CYB5R3: variants seen among roughly 807,000 people sequenced by gnomAD.
The protein encoded by CYB5R3 is cytochrome b5 reductase 3.
Under a neutral mutation model 36.5 loss-of-function variants are expected in CYB5R3, and 28 were observed. The observed-to-expected ratio is 0.77, with a 90% CI of 0.57 to 1.05. CYB5R3 has a LOEUF of 1.05. Among genes scored for constraint, CYB5R3 ranks in the 50% least tolerant of loss-of-function variants. The probability of loss-of-function intolerance (pLI) is 0.00; values close to 1 mark genes in which losing one functional copy is unlikely to be tolerated. For synonymous variants in CYB5R3, 181 were observed against 159.8 expected (o/e 1.13, Z -1.00); for missense variants, 474 against 408.9 (o/e 1.16, Z -1.37).
chr22:42,646,861 A>G, intron 1 of CYB5R3: 1 of 985,570 alleles, frequency 1.0e-6, no homozygotes, highest in Non-Finnish European at 1.2e-6. Context: ...TGCCAGGGAC[A>G]GTAGGAAAGC....
intron 7 of CYB5R3, among the ~76,000 whole-genome samples, chr22:42,625,854 C>G (rs1928240230): frequency 6.6e-6 from 1 of 152,174 alleles, no homozygotes; most frequent in African/African-American, 2.4e-5. Flanking sequence ...CACTCTTCCT[C>G]TCTCAGTAGA....
intron 7 of CYB5R3, among the ~76,000 whole-genome samples, chr22:42,624,494 G>T (rs1928163109): frequency 8.8e-6 from 1 of 113,238 alleles, no homozygotes; most frequent in Admixed American, 1.3e-4. Flanking sequence ...GGCTGTCACA[G>T]AGCCCTACAG....
intron 1 of CYB5R3, among the ~76,000 whole-genome samples, chr22:42,637,960 A>G (rs1375695977): frequency 6.6e-6 from 1 of 152,178 alleles, no homozygotes; most frequent in African/African-American, 2.4e-5. Context: ...TGAAGGCCCT[A>G]AAAGGGGGCT....
intron 1 of CYB5R3, chr22:42,639,687 C>A (rs910488784): frequency 8.1e-6 from 3 of 370,598 alleles, no homozygotes; most frequent in Non-Finnish European, 5.0e-6. Context: ...ACCAATGTTA[C>A]TTTCCTGTAA....
intron 1 of CYB5R3, chr22:42,640,173 G>A (rs373395069): frequency 7.6e-5 from 122 of 1,612,564 alleles, no homozygotes; most frequent in Non-Finnish European, 9.7e-5. Context: ...GCTCAACCGT[G>A]GTGTAGTACC....
intron 7 of CYB5R3, among the ~76,000 whole-genome samples, chr22:42,626,534 C>CT (rs1928276844): frequency 6.6e-6 from 1 of 152,240 alleles, no homozygotes. Flanking sequence ...GCTGCCCTCT[C>CT]TCCCTCCACA....
In CYB5R3 at chr22:42,631,431, C is replaced by T. The variant is rs121965007; in HGVS notation, c.173G>A (p.Arg58Gln). 2.4e-5 allele frequency: 38 copies of T among 1,551,468 alleles called. 1 individual carries two copies. The highest frequency in any genetic ancestry group is 1.7e-4 in the East Asian group (7 of 40,922). The change falls in exon 3 of 9, where the codon CGG (arginine) becomes CAG (glutamine). Residue 58 changes from arginine (R) to glutamine (Q), a missense_variant. Arg to Gln is a conservative substitution (Grantham distance 43). Transcript: ENST00000352397. ...TGACGGCAGGGCAAAGCGGAAGCGC[C>T]GGGTGTCATGGCTGATGATCTGGAG... ...IDREIISHDT[R>Q]RFRFALPSPQ...
chr22:42,625,636 C>A (rs892616923), intron 7 of CYB5R3, among the ~76,000 whole-genome samples: 4 of 152,068 alleles, frequency 2.6e-5, no homozygotes, highest in Non-Finnish European at 5.9e-5. Flanking sequence ...AGGGATGGAA[C>A]CTTGGGGGGC....
At position 42,627,691 on chromosome 22, in the gene CYB5R3, G is replaced by A; in HGVS notation, c.464-3C>T. The A allele has an allele frequency of 1.2e-6, 2 of 1,609,686 alleles. No homozygotes were observed. Among genetic ancestry groups the A allele is most frequent in the South Asian group, 1.1e-5 (1 of 91,004 alleles). On this transcript the variant is annotated splice_region_variant and splice_polypyrimidine_tract_variant and intron_variant, in intron 5 of 8. Coordinates refer to ENST00000352397, the MANE Select transcript of CYB5R3 (RefSeq NM_000398.7). ...GTCAGGTCGGATGGCGAACTTCCCT[G>A]GGGAGAGAGAAGGGGTGAGGCCCGG...
chr22:42,637,196 A>C (rs919666773), intron 1 of CYB5R3, among the ~76,000 whole-genome samples: 11 of 152,222 alleles, frequency 7.2e-5, no homozygotes. Context: ...ATTAATCTTG[A>C]GCATAATGTA....
At chr22:42,624,454 G>A (rs1928159749) in intron 7 of CYB5R3, among the ~76,000 whole-genome samples, 1 of 150,660 alleles carries the variant, frequency 6.6e-6, no homozygotes, top group South Asian at 2.1e-4. Flanking sequence ...CCATCCTCCT[G>A]GCTGGCCTGC....
At chr22:42,637,577 C>A (rs185484666) in intron 1 of CYB5R3, among the ~76,000 whole-genome samples, 12 of 152,164 alleles carry the variant, frequency 7.9e-5, no homozygotes, top group African/African-American at 2.9e-4. Flanking sequence ...TGTGTGACCC[C>A]GAGAAAGTCC....
chr22:42,634,667 C>A (rs1386181463), intron 2 of CYB5R3, among the ~76,000 whole-genome samples: 1 of 146,018 alleles, frequency 6.8e-6, no homozygotes, highest in African/African-American at 2.6e-5. Flanking sequence ...GCTCTGTAGC[C>A]CAGGCTGGAG....
intron 1 of CYB5R3, chr22:42,647,063 T>A: frequency 5.0e-6 from 4 of 805,296 alleles, no homozygotes; most frequent in Non-Finnish European, 6.0e-6. Context: ...GGCCTGCATG[T>A]CTTAGATAAG....
rs1466640573 is a variant in CYB5R3, at chr22:42,636,761, A to C, written c.107T>G (p.Leu36Arg). ...CGGGTACTTGATGTCCGGGCTCTCG[A>C]GGGTGATGGCTGGCGTGGAGCGCTG... ...LFQRSTPAIT[L>R]ESPDIKYPLR... The change falls in exon 2 of 9, where the codon CTC becomes CGC. Residue 36 changes from leucine to arginine, a missense_variant. Physicochemically the swap from Leu to Arg is moderately radical, Grantham distance 102. Coordinates refer to ENST00000352397, the MANE Select transcript of CYB5R3 (RefSeq NM_000398.7). 1.2e-6 allele frequency: 2 copies of C among 1,613,492 alleles called. No homozygotes were observed. Among genetic ancestry groups the C allele is most frequent in the Admixed American group, 1.7e-5 (1 of 60,004 alleles).
At chr22:42,643,530 G>A (rs778969904) in intron 1 of CYB5R3, among the ~76,000 whole-genome samples, 35 of 142,738 alleles carry the variant, frequency 2.5e-4, no homozygotes, top group Admixed American at 1.1e-3. Flanking sequence ...TAAAACAAAA[G>A]GCCTCTCTCC....
chr22:42,630,924 G>T lies in CYB5R3; in HGVS notation c.291C>A (p.Ile97=). ...GNLVVRPYTP[I]SSDDDKGFVD... ...CGAAGCCCTTGTCATCATCGCTGGA[G>T]ATGGGTGTATAGGGCCGGACGACCA... The change falls in exon 4 of 9, where the codon ATC becomes ATA. Residue 97 remains isoleucine, a synonymous_variant. Transcript: ENST00000352397. The T allele has an allele frequency of 6.2e-7, 1 of 1,614,078 alleles. No individual in the cohort carries two copies. The highest frequency in any genetic ancestry group is 8.5e-7 in the Non-Finnish European group (1 of 1,179,992).
In CYB5R3 at chr22:42,628,073, T is replaced by C. The variant is rs965211636; in HGVS notation, c.463+79A>G. 5.7e-6 allele frequency: 9 copies of C among 1,591,864 alleles called. No homozygotes were observed. The Admixed American group carries it at 8.3e-5, about 15-fold the overall frequency. ...ACCCATCCACACAGAGCCAGGGGCC[T>C]GCACCCTGCACCCAGCACGCCCAAG... On this transcript the variant is annotated intron_variant, in intron 5 of 8. Coordinates refer to ENST00000352397, the MANE Select transcript of CYB5R3 (RefSeq NM_000398.7).
intron 1 of CYB5R3, 36 bp from the exon 2 acceptor site, chr22:42,636,882 C>T: frequency 6.2e-7 from 1 of 1,606,110 alleles, no homozygotes; most frequent in Non-Finnish European, 8.5e-7. Flanking sequence ...AGTGCAGGAG[C>T]CTGCCTTTCC....
Sources: gnomAD v4.1 joint callset for allele counts (sites outside exome capture counted in the v4.1 genomes callset) on GRCh38, gnomAD v4.1.1 for gene constraint, MANE v1.5 for transcripts, NCBI Gene and HGNC (gene_info 2026-07-23, HGNC 2026-07-21) for gene names.